The following NEDD9 variants were observed in gnomAD, a reference collection of about 807,000 sequenced individuals.
NEDD9 encodes the protein neural precursor cell expressed, developmentally down-regulated 9.
A neutral mutation model predicts 76.6 loss-of-function variants in NEDD9; 26 were observed. That is an observed-to-expected ratio of 0.34 (90% CI 0.25 to 0.47). NEDD9 has a LOEUF of 0.47. Ranked by LOEUF, NEDD9 falls within the 20% of genes least tolerant of loss-of-function variation. The pLI, the probability that NEDD9 is intolerant of heterozygous loss-of-function variation, is 1.00. For synonymous variants in NEDD9, 392 were observed against 414.2 expected, an observed-to-expected ratio of 0.95 and a Z score of 0.65; for missense variants, 937 against 1,058.5, an observed-to-expected ratio of 0.89 and a Z score of 1.59.
rs1757954997 is a variant in NEDD9 at position 11,185,540 on chromosome 6, G to C, written c.2127C>G (p.Cys709Trp). Reference protein sequence around the residue: ...GVSAQDRQLLCFYYDQCETHF... With the variant: ...GVSAQDRQLLWFYYDQCETHF... Reference sequence around the variant, plus strand: ...GGGTCTCACATTGGTCATAGTAGAAGCACAGCAACTGCCGATCCTGAGCAC... The same window carrying C: ...GGGTCTCACATTGGTCATAGTAGAACCACAGCAACTGCCGATCCTGAGCAC... The change falls in exon 7 of 7, where the codon TGC (cysteine) becomes TGG (tryptophan). Residue 709 changes from cysteine (C) to tryptophan (W), a missense_variant. Coordinates refer to ENST00000379446, the MANE Select transcript of NEDD9 (RefSeq NM_006403.4). The C allele has an allele frequency of 6.2e-7, 1 of 1,614,118 alleles. No individual in the cohort carries two copies. The highest frequency in any genetic ancestry group is 8.5e-7 in the Non-Finnish European group (1 of 1,180,048).
At chr6:11,301,079 A>T (rs1761034078) in intron 3 of NEDD9, among the ~76,000 whole-genome samples, 1 of 152,248 alleles carries the variant, frequency 6.6e-6, no homozygotes, top group Non-Finnish European at 1.5e-5. Context: ...GGCAAATTGG[A>T]TAAAGAGTCA....
In NEDD9 at chr6:11,191,007, C is replaced by T. The variant is rs748523365; in HGVS notation, c.862G>A (p.Glu288Lys). 4.3e-6 allele frequency: 7 copies of T among 1,613,928 alleles called. No homozygotes were observed. The African/African-American group carries it at 8.0e-5, about 18-fold the overall frequency. Residue 288 changes from glutamate (E) to lysine (K), a missense_variant, in exon 5 of 7, where the codon GAA (glutamate) becomes AAA (lysine). Transcript: ENST00000379446. ...KYNCDIPGAA[E>K]PVARRHQSLS... ...CTCTGGTGCCTTCGAGCCACCGGTT[C>T]TGCAGCTCCTGGAATGTCACAGTTG...
In NEDD9 at chr6:11,232,590, A is replaced by G. The variant is rs1287267872; in HGVS notation, c.-75T>C. 3.1e-6 allele frequency: 5 copies of G among 1,612,852 alleles called. No homozygotes were observed. The African/African-American group carries it at 5.3e-5, about 17-fold the overall frequency. Reference sequence around the variant, plus strand: ...TAAGCACTGCGGTGCCCGCCCCTCCATTGAGTGCAGCGCTAGATGAAAGCG... The same window carrying G: ...TAAGCACTGCGGTGCCCGCCCCTCCGTTGAGTGCAGCGCTAGATGAAAGCG... On this transcript the variant is annotated 5_prime_UTR_variant, in exon 1 of 7. It removes an upstream start codon present in the reference 5' UTR. Coordinates refer to ENST00000379446, the MANE Select transcript of NEDD9 (RefSeq NM_006403.4).
At chr6:11,219,172 C>T (rs1173680781) in intron 1 of NEDD9, among the ~76,000 whole-genome samples, 1 of 152,210 alleles carries the variant, frequency 6.6e-6, no homozygotes, top group East Asian at 1.9e-4. Flanking sequence ...GCTTCTACCC[C>T]TCACCCCACC....
intron 2 of NEDD9, among the ~76,000 whole-genome samples, chr6:11,196,233 G>A (rs1758289029): frequency 6.6e-6 from 1 of 152,184 alleles, no homozygotes; most frequent in Non-Finnish European, 1.5e-5. Flanking sequence ...GAACCTGGGA[G>A]GAGGAGCTTG....
At chr6:11,214,858 C>T (rs527377078) in intron 1 of NEDD9, among the ~76,000 whole-genome samples, 1 of 152,240 alleles carries the variant, frequency 6.6e-6, no homozygotes, top group African/African-American at 2.4e-5. Context: ...TGAGGTGGGG[C>T]TCATTTATGG....
In NEDD9 at chr6:11,183,677, T is replaced by C. The variant is rs866720684; in HGVS notation, c.*1485A>G. On this transcript the variant is annotated 3_prime_UTR_variant, in exon 7 of 7. Transcript: ENST00000379446. ...TTTTTAATCACTCTGAGATCATGCA[T>C]TCTTGTTTTTTAAATCCTTTTCTGT... The C allele has an allele frequency of 6.6e-6, 1 of 152,230 alleles. No homozygotes were observed. The highest frequency in any genetic ancestry group is 2.4e-5 in the African/African-American group (1 of 41,464). The allele number at this position is 152,230 out of a possible 1,614,324, so 9.4% of individuals were successfully genotyped here.
At chr6:11,296,368 C>T (rs1561820034) in intron 3 of NEDD9, among the ~76,000 whole-genome samples, 1 of 152,202 alleles carries the variant, frequency 6.6e-6, no homozygotes, top group Non-Finnish European at 1.5e-5. Context: ...GTTAAATTCT[C>T]TTTTAAGTAT....
chr6:11,297,462 G>A (rs950703710), intron 3 of NEDD9, among the ~76,000 whole-genome samples: 2 of 152,140 alleles, frequency 1.3e-5, no homozygotes, highest in African/African-American at 4.8e-5. Flanking sequence ...GAATTTTTCT[G>A]TCCATGCCTT....
intron 1 of NEDD9, among the ~76,000 whole-genome samples, chr6:11,223,928 A>G (rs530960164): frequency 6.6e-6 from 1 of 152,344 alleles, no homozygotes; most frequent in Admixed American, 6.5e-5. Context: ...TGCCTTCGAC[A>G]GTGGATTAAT....
intron 1 of NEDD9, among the ~76,000 whole-genome samples, chr6:11,338,291 A>T (rs1029604980): frequency 6.6e-6 from 1 of 152,208 alleles, no homozygotes; most frequent in East Asian, 1.9e-4. Context: ...GGAATGCCAA[A>T]GACGGCCAGC....
At chr6:11,196,825 A>G (rs1758305957) in intron 2 of NEDD9, among the ~76,000 whole-genome samples, 2 of 152,070 alleles carry the variant, frequency 1.3e-5, no homozygotes, top group Admixed American at 1.3e-4. Context: ...CAGTGCAGCA[A>G]TCCGCATTGT....
chr6:11,231,083 G>C (rs535716703), intron 1 of NEDD9, among the ~76,000 whole-genome samples: 1 of 152,280 alleles, frequency 6.6e-6, no homozygotes, highest in East Asian at 1.9e-4. Context: ...GTAATATCTG[G>C]TCCTATCATT....
chr6:11,241,740 C>G lies in NEDD9; in HGVS notation c.13-28013G>C, dbSNP rs1192022911. On this transcript the variant is annotated intron_variant, in intron 3 of 3. Coordinates refer to the NEDD9 transcript ENST00000397378. The surrounding 1 kb of genome is among the most constrained non-coding windows in gnomAD (Gnocchi z 4.0). Reference sequence around the variant, plus strand: ...TTCTCCCCCTTGTGCCTTAAAAGAGCCCAGCTGACCCAGCCCTCCAAGAAG... The same window carrying G: ...TTCTCCCCCTTGTGCCTTAAAAGAGGCCAGCTGACCCAGCCCTCCAAGAAG... Among the ~76,000 whole-genome samples the G allele has an allele frequency of 6.6e-6, 1 of 152,166 alleles. No individual in the cohort carries two copies. The highest frequency in any genetic ancestry group is 2.4e-5 in the African/African-American group (1 of 41,424).
chr6:11,347,143 T>A (rs1261302227), intron 1 of NEDD9, among the ~76,000 whole-genome samples: 1 of 152,096 alleles, frequency 6.6e-6, no homozygotes, highest in Non-Finnish European at 1.5e-5. Context: ...AGAGGAGCAC[T>A]GGGGTACAAA....
At chr6:11,229,936 G>C (rs1347515495) in intron 1 of NEDD9, among the ~76,000 whole-genome samples, 5 of 152,118 alleles carry the variant, frequency 3.3e-5, no homozygotes, top group Admixed American at 3.3e-4. Flanking sequence ...GTGATCCCTG[G>C]GGCAGCCAAA....
At chr6:11,254,943 A>G (rs1759974244) in intron 3 of NEDD9, among the ~76,000 whole-genome samples, 1 of 152,266 alleles carries the variant, frequency 6.6e-6, no homozygotes, top group African/African-American at 2.4e-5. Flanking sequence ...TTTATTAAGT[A>G]CATGCTGCTT....
intron 3 of NEDD9, among the ~76,000 whole-genome samples, chr6:11,281,306 A>T (rs1465848557): frequency 3.3e-5 from 5 of 152,126 alleles, no homozygotes; most frequent in Non-Finnish European, 7.4e-5. Context: ...TGTGATATCG[A>T]TTTCTATCAT....
intron 3 of NEDD9, among the ~76,000 whole-genome samples, chr6:11,259,417 G>A (rs1760062573): frequency 6.6e-6 from 1 of 152,224 alleles, no homozygotes; most frequent in Non-Finnish European, 1.5e-5. Context: ...GCAGGACCCT[G>A]CAAAGGCTTG....
Sources: gnomAD v4.1 joint callset for allele counts (sites outside exome capture counted in the v4.1 genomes callset) on GRCh38, gnomAD v4.1.1 for gene constraint, Gnocchi (gnomAD v3.1) non-coding constraint, MANE v1.5 for transcripts, NCBI Gene and HGNC (gene_info 2026-07-23, HGNC 2026-07-21) for gene names.